The following ZBTB7C variants were observed in gnomAD, a reference collection of about 807,000 sequenced individuals.
The protein encoded by ZBTB7C is zinc finger and BTB domain containing 7C, also known as zinc finger and BTB domain-containing protein 7C.
ZBTB7C carries 8 observed loss-of-function variants against 25.7 expected under a neutral mutation model. The ratio of observed to expected loss-of-function variants is 0.31; its 90% CI spans 0.18 to 0.56. The LOEUF (loss-of-function observed/expected upper bound fraction) is 0.56. Among genes scored for constraint, ZBTB7C ranks in the 20% least tolerant of loss-of-function variants. ZBTB7C has a pLI of 0.91. For synonymous variants in ZBTB7C, 394 were observed against 369.0 expected (o/e 1.07, Z -0.78); for missense variants, 824 against 855.2 (o/e 0.96, Z 0.46).
At chr18:48,107,659 G>A (rs750983645) in intron 3 of ZBTB7C, among the ~76,000 whole-genome samples, 1 of 152,108 alleles carries the variant, frequency 6.6e-6, no homozygotes, top group Non-Finnish European at 1.5e-5. Context: ...GGGCAGGGCC[G>A]GCCTCCTTGC....
chr18:48,300,987 T>C (rs1382340669), intron 2 of ZBTB7C, among the ~76,000 whole-genome samples: 3 of 152,200 alleles, frequency 2.0e-5, no homozygotes, highest in Non-Finnish European at 4.4e-5. Context: ...TATTTGACCA[T>C]CCACTGAAAA....
intron 3 of ZBTB7C, among the ~76,000 whole-genome samples, chr18:48,059,004 G>A (rs1389487436): frequency 6.6e-6 from 1 of 152,180 alleles, no homozygotes; most frequent in Non-Finnish European, 1.5e-5. Context: ...AGGAATCCCT[G>A]AGCCAGAACG....
chr18:48,330,561 A>G (rs1029261874), intron 2 of ZBTB7C, among the ~76,000 whole-genome samples: 1 of 151,876 alleles, frequency 6.6e-6, no homozygotes, highest in African/African-American at 2.4e-5. Context: ...CTAAAAAGTG[A>G]TATGATGATG....
At chr18:48,311,557 G>C (rs1369717806) in intron 2 of ZBTB7C, among the ~76,000 whole-genome samples, 2 of 146,000 alleles carry the variant, frequency 1.4e-5, no homozygotes, top group Admixed American at 1.3e-4. Context: ...GTCCTACAAT[G>C]GACAGGACAG....
Position 48,029,620 on chromosome 18 carries a change from G to C in ZBTB7C, c.1500C>G (p.Pro500=). ...SLLFGPGGPA[P]DKAAFVMPPA... is the part of the protein sequence containing the mutation. ...GGGGCATCACGAAGGCCGCCTTGTCGGGGGCCGGGCCGCCGGGCCCGAAGA... is the reference window on the plus strand; with the variant it reads ...GGGGCATCACGAAGGCCGCCTTGTCCGGGGCCGGGCCGCCGGGCCCGAAGA... Residue 500 remains proline (P), a synonymous_variant, in exon 5 of 5, where the codon CCC becomes CCG. Transcript: ENST00000590800. 2 of 1,494,264 alleles carry C rather than the reference G, an allele frequency of 1.3e-6. No individual in the cohort carries two copies. The highest frequency in any genetic ancestry group is 8.8e-7 in the Non-Finnish European group (1 of 1,132,450). 92.6% of individuals were successfully genotyped at this position (1,494,264 alleles called of 1,614,324 possible).
In ZBTB7C at chr18:48,156,474, AG is replaced by A. The variant is rs2040844260; in HGVS notation, c.-17+29459del. ...GGATTCAGTTAGAGCTTGTCTGTGA[AG>A]GAAAGCACTCGAAAAGTAAAGTGGG... is the stretch of plus-strand genomic sequence containing the variant. On this transcript the variant is annotated intron_variant, in intron 3 of 4. Coordinates refer to ENST00000590800, the MANE Select transcript of ZBTB7C (RefSeq NM_001318841.2). 4.6e-5 allele frequency among the ~76,000 whole-genome samples: 7 copies of A among 152,352 alleles called. No individual in the cohort carries two copies. In the South Asian group the frequency reaches 1.5e-3, roughly 32 times the overall value.
At position 48,064,430 on chromosome 18, in the gene ZBTB7C, C is replaced by T. The variant is rs374034292; in HGVS notation, c.-16-23307G>A. Among the ~76,000 whole-genome samples the T allele has an allele frequency of 2.3e-3, 344 of 152,270 alleles. 2 individuals are homozygous for T. The highest frequency in any genetic ancestry group is 6.4e-3 in the African/African-American group (266 of 41,548). ...ATGGACCTTGGGCCCACCATCTGTGCCTGTGAGTTGAGGCAAGAAGAATGG... is the reference window on the plus strand; with the variant it reads ...ATGGACCTTGGGCCCACCATCTGTGTCTGTGAGTTGAGGCAAGAAGAATGG... On this transcript the variant is annotated intron_variant, in intron 3 of 4. Coordinates refer to ENST00000590800, the MANE Select transcript of ZBTB7C (RefSeq NM_001318841.2).
intron 3 of ZBTB7C, among the ~76,000 whole-genome samples, chr18:48,116,998 G>A (rs2039462682): frequency 6.6e-6 from 1 of 152,086 alleles, no homozygotes; most frequent in African/African-American, 2.4e-5. Context: ...TAAACAGCAA[G>A]CTATGATCTG....
intron 2 of ZBTB7C, among the ~76,000 whole-genome samples, chr18:48,220,942 TC>T (rs1227445115): frequency 1.3e-5 from 2 of 151,988 alleles, no homozygotes; most frequent in Non-Finnish European, 2.9e-5. Context: ...CCTAGACTCC[TC>T]TATACTGTTC....
At chr18:48,178,909 G>T (rs892782715) in intron 3 of ZBTB7C, among the ~76,000 whole-genome samples, 1 of 152,050 alleles carries the variant, frequency 6.6e-6, no homozygotes, top group Admixed American at 6.5e-5. Context: ...CCTCTTCTGG[G>T]GCCCTACCTC....
At chr18:48,103,508 A>G (rs1286476835) in intron 3 of ZBTB7C, among the ~76,000 whole-genome samples, 1 of 152,234 alleles carries the variant, frequency 6.6e-6, no homozygotes, top group Admixed American at 6.5e-5. Context: ...GGACAAAGAC[A>G]GCTGCTTTGG....
upstream of ZBTB7C, among the ~76,000 whole-genome samples, chr18:48,412,310 G>GA (rs1355166730): frequency 1.3e-5 from 2 of 152,062 alleles, no homozygotes; most frequent in Non-Finnish European, 2.9e-5. Context: ...ACTGATTCAA[G>GA]AAAAAAGAGG....
intron 1 of ZBTB7C, among the ~76,000 whole-genome samples, chr18:48,362,513 A>T (rs1409742736): frequency 5.9e-5 from 9 of 152,070 alleles, no homozygotes; most frequent in Non-Finnish European, 8.8e-5. Flanking sequence ...CTGAACCAAA[A>T]AGCAGGCCCT....
intron 2 of ZBTB7C, among the ~76,000 whole-genome samples, chr18:48,337,082 T>C (rs1568384035): frequency 6.6e-6 from 1 of 152,226 alleles, no homozygotes; most frequent in Non-Finnish European, 1.5e-5. Context: ...AGATTCCTTC[T>C]TCAACTTATC....
intron 3 of ZBTB7C, among the ~76,000 whole-genome samples, chr18:48,045,181 G>C (rs999081437): frequency 2.6e-5 from 4 of 152,226 alleles, no homozygotes; most frequent in African/African-American, 7.2e-5. Flanking sequence ...GGCAAGGGCC[G>C]GCAGGGCAGA....
chr18:48,362,537 A>T (rs1369837629), intron 1 of ZBTB7C, among the ~76,000 whole-genome samples: 1 of 152,094 alleles, frequency 6.6e-6, no homozygotes, highest in South Asian at 2.1e-4. Flanking sequence ...CAGACACCCA[A>T]TCTGCCTTGG....
At chr18:48,336,604 T>G (rs1205067005) in intron 2 of ZBTB7C, among the ~76,000 whole-genome samples, 1 of 152,140 alleles carries the variant, frequency 6.6e-6, no homozygotes, top group Non-Finnish European at 1.5e-5. Context: ...GCACAACAGG[T>G]AATCAGTAAA....
intron 4 of ZBTB7C, among the ~76,000 whole-genome samples, chr18:48,033,225 G>C (rs1164412076): frequency 6.6e-6 from 1 of 152,180 alleles, no homozygotes; most frequent in Non-Finnish European, 1.5e-5. Context: ...TCCTCACTTG[G>C]ACACAGGCAG....
At chr18:48,159,727 G>A (rs937815744) in intron 3 of ZBTB7C, among the ~76,000 whole-genome samples, 2 of 152,200 alleles carry the variant, frequency 1.3e-5, no homozygotes, top group Non-Finnish European at 2.9e-5. Flanking sequence ...TAGCCTGAAT[G>A]ACCTGAATTT....
Sources: allele counts gnomAD v4.1 joint callset (sites outside exome capture counted in the v4.1 genomes callset), GRCh38; gene constraint gnomAD v4.1.1; transcripts MANE v1.5; gene names NCBI Gene and HGNC (gene_info 2026-07-23, HGNC 2026-07-21).